The following CNTLN variants were observed in gnomAD, a reference collection of about 807,000 sequenced individuals.
CNTLN encodes centlein.
A neutral mutation model predicts 180.0 loss-of-function variants in CNTLN; 212 were observed. That is an observed-to-expected ratio of 1.18 (90% CI 1.05 to 1.32). The LOEUF is 1.32. CNTLN is among the 40% of genes most tolerant of loss of function. The probability of loss-of-function intolerance (pLI) is 0.00; values close to 1 mark genes in which losing one functional copy is unlikely to be tolerated. For synonymous variants in CNTLN, 722 were observed against 563.1 expected (o/e 1.28, Z -3.99); for missense variants, 2,095 against 1,610.9 (o/e 1.30, Z -5.14).
chr9:17,376,788 G>C (rs1824811199), intron 13 of CNTLN, among the ~76,000 whole-genome samples: 2 of 152,156 alleles, frequency 1.3e-5, no homozygotes, highest in Non-Finnish European at 2.9e-5. Context: ...GAGAAGGCTA[G>C]ATGGGTAGAC....
intron 18 of CNTLN, among the ~76,000 whole-genome samples, chr9:17,417,287 T>G (rs1828332201): frequency 6.6e-6 from 1 of 152,126 alleles, no homozygotes; most frequent in Non-Finnish European, 1.5e-5. Flanking sequence ...TTTCTTCTCT[T>G]TAATATCCTC....
intron 20 of CNTLN, among the ~76,000 whole-genome samples, chr9:17,463,243 T>C (rs1831552011): frequency 6.6e-6 from 1 of 151,682 alleles, no homozygotes; most frequent in African/African-American, 2.4e-5. Flanking sequence ...ATTAAACATA[T>C]TTAATTTTGA....
the CNTLN span, among the ~76,000 whole-genome samples, chr9:17,528,115 A>G: frequency 2.0e-5 from 3 of 152,126 alleles, no homozygotes; most frequent in African/African-American, 7.2e-5. Flanking sequence ...TAATTTATGT[A>G]GAAACTCTGC....
intron 2 of CNTLN, among the ~76,000 whole-genome samples, chr9:17,202,525 A>G (rs1342537663): frequency 6.6e-6 from 1 of 151,828 alleles, no homozygotes; most frequent in Non-Finnish European, 1.5e-5. Context: ...GAGCATATAT[A>G]TTTAAGATAG....
chr9:17,160,175 A>C (rs2131581367), intron 2 of CNTLN, among the ~76,000 whole-genome samples: 1 of 152,250 alleles, frequency 6.6e-6, no homozygotes, highest in South Asian at 2.1e-4. Context: ...TTTTATCTGA[A>C]ATGTAAAAAA....
At chr9:17,286,982 A>T (rs1427591740) in intron 6 of CNTLN, among the ~76,000 whole-genome samples, 1 of 123,314 alleles carries the variant, frequency 8.1e-6, no homozygotes, top group Non-Finnish European at 1.7e-5. Flanking sequence ...TCTTTTCCTA[A>T]TTGAATACCC....
At chr9:17,420,691 T>C (rs1274748465) in intron 18 of CNTLN, among the ~76,000 whole-genome samples, 1 of 152,176 alleles carries the variant, frequency 6.6e-6, no homozygotes, top group African/African-American at 2.4e-5. Flanking sequence ...TAAGCACTTT[T>C]AGGTATAAAC....
In CNTLN at chr9:17,430,332, A is replaced by T. The variant is rs1337907657; in HGVS notation, c.3114+14143A>T. ...CCCATTAGTAATTAATATCATTAAT[A>T]TTACCAAAATTACCTATCTTTTAAA... On this transcript the variant is annotated intron_variant, in intron 18 of 25. Transcript: ENST00000380647. Among the ~76,000 whole-genome samples, 4 of 152,080 alleles carry T rather than the reference A, an allele frequency of 2.6e-5. No individual in the cohort carries two copies. In the East Asian group the frequency reaches 5.8e-4, roughly 22 times the overall value.
At chr9:17,204,377 G>T (rs1188358607) in intron 2 of CNTLN, among the ~76,000 whole-genome samples, 1 of 151,774 alleles carries the variant, frequency 6.6e-6, no homozygotes, top group Admixed American at 6.6e-5. Flanking sequence ...TTTATGTGGG[G>T]GTCTTTTTTG....
chr9:17,233,016 C>T (rs1199937393), intron 3 of CNTLN, among the ~76,000 whole-genome samples: 1 of 151,858 alleles, frequency 6.6e-6, no homozygotes, highest in Non-Finnish European at 1.5e-5. Flanking sequence ...AACTGAGATG[C>T]TATTTGTACT....
chr9:17,214,689 C>T (rs895692653), intron 2 of CNTLN, among the ~76,000 whole-genome samples: 1 of 152,178 alleles, frequency 6.6e-6, no homozygotes, highest in African/African-American at 2.4e-5. Context: ...TTTTCAGGTA[C>T]ACCAATTAGA....
At chr9:17,380,683 T>C (rs1450381494) in intron 13 of CNTLN, among the ~76,000 whole-genome samples, 1 of 152,174 alleles carries the variant, frequency 6.6e-6, no homozygotes, top group Non-Finnish European at 1.5e-5. Context: ...CACAAGTGCA[T>C]GAATATGTTC....
rs146110780 is a variant in CNTLN, at chr9:17,434,459, C to G, written c.3114+18270C>G. On this transcript the variant is annotated intron_variant, in intron 18 of 25. Transcript: ENST00000380647. ...TACGTTCTTGCTTTTTAAATTTTCTCTGAACCTTCCTCTTTGACTTGTGTA... is the reference window on the plus strand; with the variant it reads ...TACGTTCTTGCTTTTTAAATTTTCTGTGAACCTTCCTCTTTGACTTGTGTA... 7.2e-5 allele frequency among the ~76,000 whole-genome samples: 11 copies of G among 152,090 alleles called. No homozygotes were observed. The East Asian group carries it at 2.1e-3, about 29-fold the overall frequency.
intron 2 of CNTLN, among the ~76,000 whole-genome samples, chr9:17,147,206 T>C (rs1818515115): frequency 6.6e-6 from 1 of 152,230 alleles, no homozygotes; most frequent in Admixed American, 6.5e-5. Flanking sequence ...GACTTCATTG[T>C]AGTGAATGAG....
intron 7 of CNTLN, chr9:17,299,986 C>T (rs1182252543): frequency 6.2e-6 from 1 of 161,522 alleles, no homozygotes; most frequent in Admixed American, 6.6e-5. Flanking sequence ...CCAGGCCTCA[C>T]TCTTAGGATC....
intron 2 of CNTLN, among the ~76,000 whole-genome samples, chr9:17,224,551 C>T (rs1824342546): frequency 6.6e-6 from 1 of 151,966 alleles, no homozygotes; most frequent in South Asian, 2.1e-4. Flanking sequence ...TTTTTAATCT[C>T]ACTATTTTCC....
intron 2 of CNTLN, among the ~76,000 whole-genome samples, chr9:17,179,602 G>T (rs1373377972): frequency 6.6e-6 from 1 of 152,068 alleles, no homozygotes; most frequent in Non-Finnish European, 1.5e-5. Context: ...GTTTATCTTT[G>T]TATAAATCTA....
At chr9:17,370,192 T>C (rs1294941446) in intron 13 of CNTLN, among the ~76,000 whole-genome samples, 1 of 152,076 alleles carries the variant, frequency 6.6e-6, no homozygotes, top group Non-Finnish European at 1.5e-5. Context: ...GATAACAATA[T>C]TCAACTATGA....
chr9:17,322,180 A>T (rs1433746188), intron 8 of CNTLN, among the ~76,000 whole-genome samples: 1 of 152,098 alleles, frequency 6.6e-6, no homozygotes, highest in African/African-American at 2.4e-5. Context: ...TGATTTTTGG[A>T]TAGTTTGATA....
Sources: allele counts gnomAD v4.1 joint callset (sites outside exome capture counted in the v4.1 genomes callset), GRCh38; gene constraint gnomAD v4.1.1; transcripts MANE v1.5; gene names NCBI Gene and HGNC (gene_info 2026-07-23, HGNC 2026-07-21).